DAOA: variants seen among roughly 807,000 people sequenced by gnomAD.
The protein encoded by DAOA is D-amino acid oxidase regulator.
In DAOA, 15 loss-of-function variants were observed where a neutral mutation model predicts 16.4. The observed-to-expected ratio is 0.91, with a 90% confidence interval of 0.61 to 1.41. The LOEUF (loss-of-function observed/expected upper bound fraction) is 1.41. Among genes scored for constraint, DAOA ranks in the 40% most tolerant of loss-of-function variants. The pLI is 0.00. For synonymous variants in DAOA, 75 were observed against 59.1 expected (o/e 1.27, Z -1.23); for missense variants, 230 against 176.8 (o/e 1.30, Z -1.71).
chr13:105,469,593 TGA>T (rs1566372997), intron 3 of DAOA, among the ~76,000 whole-genome samples: 2 of 152,212 alleles, frequency 1.3e-5, no homozygotes, highest in Non-Finnish European at 2.9e-5. Flanking sequence ...CACATCGTTG[TGA>T]GAGTTTACAG....
rs1468939826 is a variant in DAOA at position 105,472,647 on chromosome 13, A to G, written c.243A>G (p.Leu81=). The G allele has an allele frequency of 1.2e-6, 2 of 1,613,944 alleles. No homozygotes were observed. The highest frequency in any genetic ancestry group is 1.3e-5 in the African/African-American group (1 of 74,942). ...CACAGAGGCATTTACAGAGATCATT[A>G]TGTCCTTGGGTCTCTTACCTTCCTC... The part of the protein sequence containing the change: ...EMAQRHLQRS[L]CPWVSYLPQP... Residue 81 remains leucine, a synonymous_variant, in exon 4 of 6, where the codon TTA becomes TTG. Transcript: ENST00000375936.
At chr13:105,481,628 G>T (rs1410463634) in intron 4 of DAOA, among the ~76,000 whole-genome samples, 2 of 152,048 alleles carry the variant, frequency 1.3e-5, no homozygotes, top group South Asian at 2.1e-4. Flanking sequence ...AAACCCATCT[G>T]CTCTTATCTC....
intron 4 of DAOA, among the ~76,000 whole-genome samples, chr13:105,486,243 T>A (rs1878099132): frequency 6.6e-6 from 1 of 152,158 alleles, no homozygotes; most frequent in Non-Finnish European, 1.5e-5. Flanking sequence ...ACGCGCTCAC[T>A]CATTGGAGTG....
At chr13:105,485,991 C>A (rs931902428) in intron 4 of DAOA, among the ~76,000 whole-genome samples, 1 of 152,164 alleles carries the variant, frequency 6.6e-6, no homozygotes, top group Non-Finnish European at 1.5e-5. Context: ...CCACTCCCAT[C>A]CCCATCACCT....
At chr13:105,467,337 C>T (rs1028705681) in intron 3 of DAOA, among the ~76,000 whole-genome samples, 196 bp downstream of exon 3, 11 of 152,204 alleles carry the variant, frequency 7.2e-5, no homozygotes, top group Admixed American at 5.9e-4. Context: ...TTCACACTTA[C>T]AGTTCAAACA....
At chr13:105,479,247 T>C (rs1437922550) in intron 4 of DAOA, among the ~76,000 whole-genome samples, 2 of 152,270 alleles carry the variant, frequency 1.3e-5, no homozygotes, top group Admixed American at 6.5e-5. Context: ...TAAAAGCAAA[T>C]AGGAGAGACC....
intron 3 of DAOA, among the ~76,000 whole-genome samples, chr13:105,470,785 C>CTT (rs1876877606): frequency 7.7e-6 from 1 of 130,076 alleles, no homozygotes; most frequent in African/African-American, 2.8e-5. Flanking sequence ...AATTTGTTTT[C>CTT]TTTTCTTTTT....
intron 4 of DAOA, among the ~76,000 whole-genome samples, chr13:105,477,867 CA>C (rs1409080146): frequency 1.3e-5 from 2 of 152,086 alleles, no homozygotes; most frequent in Non-Finnish European, 2.9e-5. Flanking sequence ...GAGTCATTTC[CA>C]AAAGGCATGA....
chr13:105,466,609 C>T (rs1248431058), intron 2 of DAOA, among the ~76,000 whole-genome samples: 4 of 152,206 alleles, frequency 2.6e-5, no homozygotes, highest in African/African-American at 9.6e-5. Flanking sequence ...CTTTAATCCA[C>T]AGCAGGCAGA....
At chr13:105,469,197 AAGT>A (rs1225830381) in intron 3 of DAOA, among the ~76,000 whole-genome samples, 2 of 152,082 alleles carry the variant, frequency 1.3e-5, no homozygotes, top group Admixed American at 1.3e-4. Context: ...ACTAAATTCA[AAGT>A]AGCTGGAGGG....
In DAOA at chr13:105,489,961, T is replaced by C; in HGVS notation, c.342T>C (p.Leu114=). The C allele has an allele frequency of 1.2e-6, 2 of 1,613,830 alleles. No homozygotes were observed. Among genetic ancestry groups the C allele is most frequent in the Non-Finnish European group, 1.7e-6 (2 of 1,179,888 alleles). ...KVFMARNYEF[L]AYEASKDRRQ... is the part of the protein sequence containing the mutation. Reference sequence around the variant, plus strand: ...TCATGGCAAGAAACTATGAGTTCCTTGCCTATGAGGCCTCTAAGGACCGCA... The same window carrying C: ...TCATGGCAAGAAACTATGAGTTCCTCGCCTATGAGGCCTCTAAGGACCGCA... Residue 114 remains leucine, a synonymous_variant, in exon 5 of 6, where the codon CTT becomes CTC. Transcript: ENST00000375936.
chr13:105,473,844 A>G (rs374872405), intron 4 of DAOA, among the ~76,000 whole-genome samples: 2 of 152,230 alleles, frequency 1.3e-5, no homozygotes. Context: ...AGAGCTGCCT[A>G]ATCTTTTTGT....
At chr13:105,482,332 AAACG>A (rs2139194668) in intron 4 of DAOA, among the ~76,000 whole-genome samples, 1 of 151,688 alleles carries the variant, frequency 6.6e-6, no homozygotes, top group East Asian at 1.9e-4. Context: ...GTTACTTCTG[AAACG>A]AATGGCCTTT....
In DAOA at chr13:105,490,151, C is replaced by G; in HGVS notation, c.*70C>G. 5 of 1,475,432 alleles carry G rather than the reference C, an allele frequency of 3.4e-6. No individual in the cohort carries two copies. The highest frequency in any genetic ancestry group is 3.6e-6 in the Non-Finnish European group (4 of 1,108,106). The allele number at this position is 1,475,432 out of a possible 1,614,324, so 91.4% of individuals were successfully genotyped here. On this transcript the variant is annotated 3_prime_UTR_variant, in exon 5 of 6. Transcript: ENST00000375936. ...TAGTCTGGCCAACATCTTCACTGGA[C>G]TCTGACGGACTCTGTGTCTGGGACC... is the stretch of plus-strand genomic sequence containing the variant.
intron 4 of DAOA, among the ~76,000 whole-genome samples, chr13:105,476,741 T>A (rs1877367390): frequency 6.6e-6 from 1 of 152,062 alleles, no homozygotes; most frequent in Admixed American, 6.6e-5. Flanking sequence ...CCAAGGCATA[T>A]GATTGAGTTA....
chr13:105,490,002 G>A lies in DAOA; in HGVS notation c.383G>A (p.Arg128Gln), dbSNP rs748474651. The change falls in exon 5 of 6, where the codon CGA (arginine) becomes CAA (glutamine). Residue 128 changes from arginine (R) to glutamine (Q), a missense_variant. Transcript: ENST00000375936. ...AAGGACCGCAGGCAGCCTCTAGAAC[G>A]AATGTGGACCTGCAACTACAACCAG... ...ASKDRRQPLERMWTCNYNQQK... is the reference protein window; with the variant it reads ...ASKDRRQPLEQMWTCNYNQQK... The A allele has an allele frequency of 9.9e-6, 16 of 1,612,538 alleles. No individual in the cohort carries two copies. The East Asian group carries it at 2.9e-4, about 29-fold the overall frequency.
chr13:105,477,445 C>G (rs552400291), intron 4 of DAOA, among the ~76,000 whole-genome samples: 2 of 152,326 alleles, frequency 1.3e-5, no homozygotes, highest in East Asian at 1.9e-4. Context: ...AAATTAGAAA[C>G]TAACCAGGCA....
chr13:105,490,409 C>A (rs113679524), intron 5 of DAOA: 1 of 161,318 alleles, frequency 6.2e-6, no homozygotes, highest in African/African-American at 2.4e-5. Context: ...AAACAAACAA[C>A]GGAAATTCAA....
intron 4 of DAOA, among the ~76,000 whole-genome samples, chr13:105,486,617 C>CT (rs758250616): frequency 0.065 from 8,556 of 132,190 alleles, 331 homozygotes; most frequent in Non-Finnish European, 0.089. Flanking sequence ...TTCTTTCTTT[C>CT]TTTCTTTTTT....
Sources: gnomAD v4.1 joint callset for allele counts (sites outside exome capture counted in the v4.1 genomes callset) on GRCh38, gnomAD v4.1.1 for gene constraint, MANE v1.5 for transcripts, NCBI Gene and HGNC (gene_info 2026-07-23, HGNC 2026-07-21) for gene names.